Variants in MACROD2 observed in about 807,000 individuals in gnomAD.
MACROD2 encodes mono-ADP ribosylhydrolase 2.
MACROD2 carries 36 observed loss-of-function variants against 70.4 expected under a neutral mutation model. The ratio of observed to expected loss-of-function variants is 0.51; its 90% confidence interval spans 0.39 to 0.68. MACROD2 has a LOEUF of 0.68. Among genes scored for constraint, MACROD2 ranks in the 30% least tolerant of loss-of-function variants. The pLI is 0.00. For synonymous variants in MACROD2, 172 were observed against 178.8 expected, an observed-to-expected ratio of 0.96 and a Z score of 0.30; for missense variants, 496 against 538.4, an observed-to-expected ratio of 0.92 and a Z score of 0.78.
chr20:15,810,299 A>C (rs1226422284), intron 8 of MACROD2, among the ~76,000 whole-genome samples: 1 of 151,598 alleles, frequency 6.6e-6, no homozygotes, highest in African/African-American at 2.4e-5. Context: ...AGTCTTTGCT[A>C]TTGTGAATAG....
intron 5 of MACROD2, among the ~76,000 whole-genome samples, chr20:15,154,393 A>G (rs1222661064): frequency 1.3e-5 from 2 of 152,208 alleles, no homozygotes; most frequent in African/African-American, 2.4e-5. Flanking sequence ...GGCTTATCCA[A>G]CTGGATGAAA....
chr20:15,966,634 A>G (rs2066143958), intron 12 of MACROD2, among the ~76,000 whole-genome samples: 2 of 152,152 alleles, frequency 1.3e-5, no homozygotes, highest in South Asian at 4.1e-4. Context: ...CCTAGCTACT[A>G]CAGAGGCCAG....
chr20:14,157,278 A>C (rs2055115764), intron 3 of MACROD2, among the ~76,000 whole-genome samples: 1 of 152,066 alleles, frequency 6.6e-6, no homozygotes, highest in East Asian at 1.9e-4. Context: ...TTGATACATA[A>C]AATTATACAT....
intron 5 of MACROD2, among the ~76,000 whole-genome samples, chr20:14,941,119 T>C (rs2074386029): frequency 6.6e-6 from 1 of 152,174 alleles, no homozygotes; most frequent in South Asian, 2.1e-4. Context: ...TCAATTTTAG[T>C]AGATTGTATG....
At chr20:15,635,666 C>A (rs1303751886) in intron 8 of MACROD2, among the ~76,000 whole-genome samples, 2 of 152,150 alleles carry the variant, frequency 1.3e-5, no homozygotes, top group Non-Finnish European at 2.9e-5. Flanking sequence ...ACCACTCATA[C>A]CCTAAGCCTC....
chr20:15,105,551 T>C (rs2075904365), intron 5 of MACROD2, among the ~76,000 whole-genome samples: 1 of 152,066 alleles, frequency 6.6e-6, no homozygotes, highest in Non-Finnish European at 1.5e-5. Context: ...GAGTGAAAGC[T>C]GAGGAGTCAG....
intron 7 of MACROD2, among the ~76,000 whole-genome samples, chr20:15,459,303 C>T (rs1303880736): frequency 4.6e-5 from 7 of 152,024 alleles, no homozygotes; most frequent in East Asian, 3.9e-4. Context: ...GCCCCCTCCC[C>T]GCTCTCCCCT....
chr20:15,925,969 C>T (rs1015772178), intron 10 of MACROD2, among the ~76,000 whole-genome samples: 3 of 152,176 alleles, frequency 2.0e-5, no homozygotes, highest in Non-Finnish European at 2.9e-5. Flanking sequence ...TTGGGTAGAA[C>T]TGGCAGCCAG....
intron 3 of MACROD2, among the ~76,000 whole-genome samples, chr20:14,248,256 G>A (rs894755109): frequency 2.0e-5 from 3 of 152,066 alleles, no homozygotes; most frequent in Non-Finnish European, 4.4e-5. Flanking sequence ...ACTATTTAAC[G>A]TACACAGACT....
chr20:15,918,903 T>A (rs924334909), intron 10 of MACROD2, among the ~76,000 whole-genome samples: 1 of 152,098 alleles, frequency 6.6e-6, no homozygotes, highest in African/African-American at 2.4e-5. Flanking sequence ...AATGAGGGGC[T>A]CTGCATGTTA....
At chr20:14,743,792 G>C (rs1036870289) in intron 5 of MACROD2, among the ~76,000 whole-genome samples, 5 of 152,146 alleles carry the variant, frequency 3.3e-5, no homozygotes, top group Non-Finnish European at 5.9e-5. Context: ...TTGCAGATGT[G>C]AGTAAGGACT....
At chr20:14,026,168 CCT>C (rs1013605180) in intron 2 of MACROD2, among the ~76,000 whole-genome samples, 13 of 152,070 alleles carry the variant, frequency 8.5e-5, no homozygotes, top group South Asian at 2.1e-4. Context: ...GATTGCAACC[CCT>C]GTTTTATTTT....
rs535889559 is a variant in MACROD2, at chr20:14,565,379, A to G, written c.301+71871A>G. Among the ~76,000 whole-genome samples, 4 of 151,804 alleles carry G rather than the reference A, an allele frequency of 2.6e-5. No homozygotes were observed. The East Asian group carries it at 7.8e-4, about 30-fold the overall frequency. On this transcript the variant is annotated intron_variant, in intron 4 of 17. Transcript: ENST00000684519. ...AAAAAATTTTTTTTTAAAACGTAAC[A>G]CTTTCATCACCACAAGGATTCCTCT...
chr20:14,452,403 T>C (rs958666103), intron 3 of MACROD2, among the ~76,000 whole-genome samples: 1 of 152,112 alleles, frequency 6.6e-6, no homozygotes, highest in Non-Finnish European at 1.5e-5. Context: ...ATAGAATCAG[T>C]AATAATAATG....
Position 14,020,159 on chromosome 20 carries a change from T to C in MACROD2, c.163+17755T>C, listed in dbSNP as rs553546667. ...TGTGATTTGCAATCTGGGATGTAGA[T>C]TGCAGTTTGTGATTACAGAAAGCCC... On this transcript the variant is annotated intron_variant, in intron 2 of 17. Transcript: ENST00000684519. Among the ~76,000 whole-genome samples, 3 of 152,272 alleles carry C rather than the reference T, an allele frequency of 2.0e-5. No homozygotes were observed. In the South Asian group the frequency reaches 6.2e-4, roughly 32 times the overall value.
chr20:14,689,047 A>G (rs1403635697), intron 5 of MACROD2, among the ~76,000 whole-genome samples: 3 of 150,670 alleles, frequency 2.0e-5, no homozygotes, highest in African/African-American at 7.3e-5. Flanking sequence ...ACTTCTCTAC[A>G]TCATCTCCTT....
At chr20:15,920,809 A>C (rs1020345137) in intron 10 of MACROD2, among the ~76,000 whole-genome samples, 4 of 152,210 alleles carry the variant, frequency 2.6e-5, no homozygotes, top group African/African-American at 9.6e-5. Flanking sequence ...AAAATAGAAT[A>C]TTCATTATAT....
At chr20:15,280,291 A>G (rs1363508052) in intron 6 of MACROD2, among the ~76,000 whole-genome samples, 1 of 152,188 alleles carries the variant, frequency 6.6e-6, no homozygotes, top group Non-Finnish European at 1.5e-5. Context: ...ATAGAGAGGC[A>G]AAAAGAAAAC....
At chr20:15,977,444 C>A (rs967786400) in intron 13 of MACROD2, among the ~76,000 whole-genome samples, 15 of 152,158 alleles carry the variant, frequency 9.9e-5, no homozygotes, top group Admixed American at 9.8e-4. Flanking sequence ...TATCTTTATT[C>A]CCATTCCAGG....
Sources: gnomAD v4.1 joint callset for allele counts (sites outside exome capture counted in the v4.1 genomes callset) on GRCh38, gnomAD v4.1.1 for gene constraint, MANE v1.5 for transcripts, NCBI Gene and HGNC (gene_info 2026-07-23, HGNC 2026-07-21) for gene names.